Variants in RNF17 observed in about 807,000 individuals in gnomAD.
RNF17 encodes the protein spermatogenesis associated 23.
In RNF17, 31 loss-of-function variants were observed where a neutral mutation model predicts 200.5. The observed-to-expected ratio is 0.15, with a 90% confidence interval of 0.12 to 0.21. The LOEUF (loss-of-function observed/expected upper bound fraction) is 0.21. RNF17 is among the 10% of genes least tolerant of loss of function. The pLI is 1.00. For missense variants in RNF17, 1,628 were observed against 1,905.1 expected (o/e 0.85, Z 2.71); for synonymous variants, 606 against 637.8 (o/e 0.95, Z 0.75).
chr13:24,786,072 G>A (rs1883067266), intron 6 of RNF17, among the ~76,000 whole-genome samples: 2 of 151,948 alleles, frequency 1.3e-5, no homozygotes, highest in African/African-American at 4.8e-5. Context: ...TATGTTTTAT[G>A]GCTTATTTGT....
the RNF17 span, chr13:24,885,160 A>G: frequency 1.4e-6 from 1 of 713,044 alleles, no homozygotes; most frequent in East Asian, 2.7e-5. Context: ...TGAACGAGAA[A>G]TGGCAACTAA....
intron 2 of RNF17, among the ~76,000 whole-genome samples, chr13:24,771,352 G>A (rs9511444): frequency 0.36 from 24,408 of 67,814 alleles, 3,406 homozygotes; most frequent in East Asian, 0.53. Flanking sequence ...TTTTTTTTTG[G>A]AAGAGGTGAA....
At chr13:24,870,804 T>A in intron 32 of RNF17, 65 bp downstream of exon 32, 1 of 1,347,914 alleles carries the variant, frequency 7.4e-7, no homozygotes, top group Non-Finnish European at 1.0e-6. Flanking sequence ...TTCAATGGGC[T>A]GATGACCTTG....
At chr13:24,839,470 C>T (rs1890378458) in intron 18 of RNF17, among the ~76,000 whole-genome samples, 1 of 152,118 alleles carries the variant, frequency 6.6e-6, no homozygotes, top group Admixed American at 6.5e-5. Context: ...CATTACAATA[C>T]CTGATTTCAA....
intron 13 of RNF17, 53 bp downstream of exon 13, chr13:24,800,587 A>G (rs960936897): frequency 2.0e-6 from 3 of 1,498,426 alleles, no homozygotes; most frequent in Middle Eastern, 1.8e-4. Context: ...AATTTTAGCT[A>G]TGTATTGCCA....
intron 18 of RNF17, among the ~76,000 whole-genome samples, chr13:24,839,448 C>T (rs971611392): frequency 1.3e-5 from 2 of 152,086 alleles, no homozygotes; most frequent in African/African-American, 4.8e-5. Flanking sequence ...GCAAAAAGAA[C>T]AAATTTGGAG....
chr13:24,775,439 T>G (rs528616053), intron 3 of RNF17, among the ~76,000 whole-genome samples: 1 of 152,222 alleles, frequency 6.6e-6, no homozygotes, highest in African/African-American at 2.4e-5. Context: ...TTTGTAGGCA[T>G]GGAGTCTCAT....
At chr13:24,801,391 C>T (rs1885230182) in intron 13 of RNF17, among the ~76,000 whole-genome samples, 2 of 152,100 alleles carry the variant, frequency 1.3e-5, no homozygotes, top group Non-Finnish European at 2.9e-5. Context: ...GGCTGTAATT[C>T]CAGCACTTTG....
chr13:24,872,353 G>A (rs1195804677), intron 32 of RNF17, among the ~76,000 whole-genome samples: 1 of 152,158 alleles, frequency 6.6e-6, no homozygotes. Flanking sequence ...GTATTTTAAT[G>A]CCACTTGCCC....
chr13:24,812,348 G>A (rs965996815), intron 15 of RNF17, among the ~76,000 whole-genome samples: 9 of 151,854 alleles, frequency 5.9e-5, no homozygotes, highest in Non-Finnish European at 8.8e-5. Flanking sequence ...CTCCTGGCGC[G>A]CCATTTTTTA....
intron 16 of RNF17, chr13:24,826,166 C>T (rs1888605082): frequency 2.3e-6 from 2 of 867,642 alleles, no homozygotes; most frequent in African/African-American, 3.7e-5. Context: ...TTCTTCTTTC[C>T]TGGGAATTAT....
chr13:24,772,426 A>ATTTTTTTTTTTTTTTTTTTTT (rs34066913), intron 2 of RNF17, among the ~76,000 whole-genome samples: 1 of 106,016 alleles, frequency 9.4e-6, no homozygotes, highest in African/African-American at 3.7e-5. Context: ...TTGAGTCTCC[A>ATTTTTTTTTTTTTTTTTTTTT]TTTTTTTTTT....
intron 20 of RNF17, 89 bp downstream of exon 20, chr13:24,844,060 A>G: frequency 4.7e-6 from 2 of 428,594 alleles, no homozygotes; most frequent in Non-Finnish European, 7.8e-6. Flanking sequence ...TCATAAATGT[A>G]GATTTTACTA....
intron 15 of RNF17, among the ~76,000 whole-genome samples, chr13:24,807,961 T>A (rs1168948423): frequency 6.6e-6 from 1 of 152,058 alleles, no homozygotes; most frequent in Non-Finnish European, 1.5e-5. Flanking sequence ...TTTGTAGATA[T>A]GCGGCGTTAT....
At chr13:24,769,617 GTTTAAA>G (rs1880368342) in intron 2 of RNF17, among the ~76,000 whole-genome samples, 1 of 152,156 alleles carries the variant, frequency 6.6e-6, no homozygotes, top group Non-Finnish European at 1.5e-5. Context: ...GAAGAATCTA[GTTTAAA>G]TTTAGTGAAG....
At chr13:24,824,019 G>T (rs536533671) in intron 15 of RNF17, among the ~76,000 whole-genome samples, 32 of 152,286 alleles carry the variant, frequency 2.1e-4, no homozygotes, top group African/African-American at 4.1e-4. Context: ...GTTCCCTCTG[G>T]TTCAGGGGAG....
Position 24,877,192 on chromosome 13 carries a change from T to C in RNF17, c.4773+6T>C. The C allele has an allele frequency of 2.5e-6, 4 of 1,602,698 alleles. No individual in the cohort carries two copies. In the South Asian group the frequency reaches 4.5e-5, roughly 18 times the overall value. On this transcript the variant is annotated splice_donor_region_variant and intron_variant, in intron 34 of 35. Coordinates refer to ENST00000255324, the MANE Select transcript of RNF17 (RefSeq NM_031277.3). The stretch of plus-strand genomic sequence containing the variant: ...AACTCTATGCTGTGTCCATGGTAAG[T>C]GTCTCAAGTAGCCAAAATTATTGTA...
intron 25 of RNF17, among the ~76,000 whole-genome samples, chr13:24,857,837 G>A (rs747409992): frequency 2.0e-5 from 3 of 152,212 alleles, no homozygotes; most frequent in Non-Finnish European, 4.4e-5. Context: ...GGTCAAGGCT[G>A]TAGTGAGCTG....
chr13:24,762,720 T>A (rs1392161126), upstream of RNF17, among the ~76,000 whole-genome samples: 1 of 152,216 alleles, frequency 6.6e-6, no homozygotes, highest in Admixed American at 6.5e-5. Flanking sequence ...ATGGGCAGGC[T>A]TTATTCTTAG....
Sources: allele counts gnomAD v4.1 joint callset (sites outside exome capture counted in the v4.1 genomes callset), GRCh38; gene constraint gnomAD v4.1.1; transcripts MANE v1.5; gene names NCBI Gene and HGNC (gene_info 2026-07-23, HGNC 2026-07-21).